The following TMEM132B variants were observed in gnomAD, a reference collection of about 807,000 sequenced individuals.
TMEM132B encodes the protein transmembrane protein 132B.
Under a neutral mutation model 90.8 loss-of-function variants are expected in TMEM132B, and 18 were observed. That is an observed-to-expected ratio of 0.20 (90% confidence interval 0.14 to 0.29). The LOEUF (loss-of-function observed/expected upper bound fraction) is 0.29. Among genes scored for constraint, TMEM132B ranks in the 10% least tolerant of loss-of-function variants. The pLI, the probability that TMEM132B is intolerant of heterozygous loss-of-function variation, is 1.00. For synonymous variants in TMEM132B, 504 were observed against 523.3 expected, an observed-to-expected ratio of 0.96 and a Z score of 0.50; for missense variants, 1,096 against 1,326.8, an observed-to-expected ratio of 0.83 and a Z score of 2.70.
intron 1 of TMEM132B, among the ~76,000 whole-genome samples, chr12:125,339,718 G>A (rs1403205096): frequency 6.6e-6 from 1 of 152,200 alleles, no homozygotes; most frequent in African/African-American, 2.4e-5. Flanking sequence ...GTAGCCAGGA[G>A]GAGCAAAGTT....
intron 4 of TMEM132B, among the ~76,000 whole-genome samples, chr12:125,578,964 A>C (rs1884992815): frequency 6.6e-6 from 1 of 152,068 alleles, no homozygotes; most frequent in African/African-American, 2.4e-5. Context: ...GAACTCTTGG[A>C]CGTGCAGATT....
chr12:125,493,150 C>G (rs1882400504), intron 3 of TMEM132B, among the ~76,000 whole-genome samples: 1 of 152,172 alleles, frequency 6.6e-6, no homozygotes, highest in South Asian at 2.1e-4. Flanking sequence ...ACTGGGAGGT[C>G]TCACTCCACA....
intron 1 of TMEM132B, among the ~76,000 whole-genome samples, chr12:125,230,629 T>C (rs1343027034): frequency 2.0e-5 from 3 of 151,614 alleles, no homozygotes; most frequent in Admixed American, 6.6e-5. Flanking sequence ...TACAGGCGCC[T>C]GCCACCACGC....
chr12:125,596,268 C>T (rs1241310096), intron 5 of TMEM132B, among the ~76,000 whole-genome samples: 1 of 152,132 alleles, frequency 6.6e-6, no homozygotes, highest in Non-Finnish European at 1.5e-5. Flanking sequence ...TCTGTCTCAG[C>T]TGAAAACAAT....
intron 1 of TMEM132B, among the ~76,000 whole-genome samples, chr12:125,243,245 G>GGATCCC (rs907683722): frequency 6.6e-6 from 1 of 150,792 alleles, no homozygotes; most frequent in Non-Finnish European, 1.5e-5. Context: ...CTGAGTTCAA[G>GGATCCC]GATTCTCCTG....
At chr12:125,553,861 A>G (rs1884302149) in intron 4 of TMEM132B, among the ~76,000 whole-genome samples, 1 of 152,178 alleles carries the variant, frequency 6.6e-6, no homozygotes, top group African/African-American at 2.4e-5. Context: ...TTTTAAGTAC[A>G]GGTGTCCTTG....
intron 1 of TMEM132B, among the ~76,000 whole-genome samples, chr12:125,283,494 G>C (rs1875258279): frequency 6.6e-6 from 1 of 152,106 alleles, no homozygotes; most frequent in Non-Finnish European, 1.5e-5. Context: ...CCTTGATAAA[G>C]GAACAGGAGT....
At chr12:125,635,126 C>T (rs964192082) in intron 5 of TMEM132B, among the ~76,000 whole-genome samples, 1 of 152,122 alleles carries the variant, frequency 6.6e-6, no homozygotes, top group Non-Finnish European at 1.5e-5. Flanking sequence ...TCCTCTCTGC[C>T]TAGGGCTGGA....
chr12:125,639,763 G>A (rs994627539), intron 5 of TMEM132B, among the ~76,000 whole-genome samples: 3 of 152,226 alleles, frequency 2.0e-5, no homozygotes, highest in African/African-American at 7.2e-5. Flanking sequence ...GGAAAATAGT[G>A]ACCAGAGGCG....
At chr12:125,508,455 T>G (rs1396473890) in intron 3 of TMEM132B, among the ~76,000 whole-genome samples, 5 of 152,226 alleles carry the variant, frequency 3.3e-5, no homozygotes, top group Admixed American at 6.5e-5. Flanking sequence ...TGGCACTGAT[T>G]GCAGTTGCAG....
At chr12:125,238,376 A>AC (rs1480685291) in intron 1 of TMEM132B, among the ~76,000 whole-genome samples, 12 of 145,098 alleles carry the variant, frequency 8.3e-5, no homozygotes, top group African/African-American at 2.9e-4. Flanking sequence ...CAAAAAAAAA[A>AC]CAAAAAAAAA....
chr12:125,480,077 C>T (rs536117657), intron 3 of TMEM132B, among the ~76,000 whole-genome samples: 10 of 152,280 alleles, frequency 6.6e-5, no homozygotes, highest in East Asian at 5.8e-4. Flanking sequence ...GAAGACACAA[C>T]GTACCAGAAT....
At chr12:125,268,679 G>A (rs914395023) in intron 1 of TMEM132B, among the ~76,000 whole-genome samples, 1 of 152,198 alleles carries the variant, frequency 6.6e-6, no homozygotes, top group Non-Finnish European at 1.5e-5. Context: ...AACTGATAAC[G>A]TTGCTTGCTT....
At chr12:125,546,254 C>T (rs1439355550) in intron 4 of TMEM132B, among the ~76,000 whole-genome samples, 2 of 152,038 alleles carry the variant, frequency 1.3e-5, no homozygotes, top group Non-Finnish European at 2.9e-5. Context: ...ACGATCTCAG[C>T]TCACTGCAAG....
At chr12:125,223,179 A>G (rs7307120) in intron 1 of TMEM132B, among the ~76,000 whole-genome samples, 4,960 of 152,350 alleles carry the variant, frequency 0.033, 243 homozygotes, top group African/African-American at 0.095. Flanking sequence ...GCTTCAAAAT[A>G]AAGTGATCTG....
Position 125,404,115 on chromosome 12 carries a change from G to A in TMEM132B, c.960-11416G>A, listed in dbSNP as rs532620734. On this transcript the variant is annotated intron_variant, in intron 2 of 8. Transcript: ENST00000682704. ...ATGGAACTGGAGGTAACATTTGAACGTCTATAGTGAGTTGCATCTGAATTT... is the reference window on the plus strand; with the variant it reads ...ATGGAACTGGAGGTAACATTTGAACATCTATAGTGAGTTGCATCTGAATTT... Among the ~76,000 whole-genome samples, 15 of 152,230 alleles carry A rather than the reference G, an allele frequency of 9.9e-5. No individual in the cohort carries two copies. The South Asian group carries it at 1.0e-3, about 11-fold the overall frequency.
intron 4 of TMEM132B, among the ~76,000 whole-genome samples, chr12:125,531,719 C>G (rs1286979669): frequency 3.3e-5 from 5 of 152,220 alleles, no homozygotes; most frequent in Non-Finnish European, 7.3e-5. Context: ...TATATACGCA[C>G]CATTTCACCT....
At chr12:125,464,895 T>C (rs1406588381) in intron 3 of TMEM132B, among the ~76,000 whole-genome samples, 3 of 152,232 alleles carry the variant, frequency 2.0e-5, no homozygotes, top group Non-Finnish European at 4.4e-5. Flanking sequence ...GTAGTTTTGC[T>C]GTGGAAAAGA....
chr12:125,469,249 T>G (rs966682373), intron 3 of TMEM132B, among the ~76,000 whole-genome samples: 4 of 152,334 alleles, frequency 2.6e-5, no homozygotes, highest in African/African-American at 9.6e-5. Context: ...TGAGGTAATT[T>G]CCCTCTACTC....
Sources: allele counts gnomAD v4.1 joint callset (sites outside exome capture counted in the v4.1 genomes callset), GRCh38; gene constraint gnomAD v4.1.1; transcripts MANE v1.5; gene names NCBI Gene and HGNC (gene_info 2026-07-23, HGNC 2026-07-21).